AFG2B: variants seen among roughly 807,000 people sequenced by gnomAD.
AFG2B encodes AAA ATPase AFG2B.
the AFG2B span, among the ~76,000 whole-genome samples, chr15:45,420,379 T>A: frequency 6.6e-5 from 10 of 152,300 alleles, no homozygotes; most frequent in African/African-American, 2.4e-4. Flanking sequence ...ATAGGGTATG[T>A]GTTTGATCTA....
the AFG2B span, chr15:45,402,403 T>G: frequency 5.7e-6 from 9 of 1,566,972 alleles, no homozygotes; most frequent in Admixed American, 1.7e-4. Flanking sequence ...CTAATCTGGT[T>G]TCGTCTGCCT....
the AFG2B span, chr15:45,410,415 C>T: frequency 6.2e-7 from 1 of 1,613,802 alleles, no homozygotes; most frequent in Non-Finnish European, 8.5e-7. Flanking sequence ...TTCCTTGAAG[C>T]TTTTAAAAAT....
chr15:45,402,537 C>A, the AFG2B span: 1 of 1,597,044 alleles, frequency 6.3e-7, no homozygotes, highest in African/African-American at 1.3e-5. Context: ...CGGCCGCCCT[C>A]CACGCCCTGG....
chr15:45,410,449 C>T, the AFG2B span: 59 of 1,613,592 alleles, frequency 3.7e-5, 1 homozygote, highest in Middle Eastern at 6.6e-4. Flanking sequence ...CGTTTCGAAG[C>T]GTCATTGGAT....
chr15:45,407,908 T>C, the AFG2B span, among the ~76,000 whole-genome samples: 2 of 152,170 alleles, frequency 1.3e-5, no homozygotes, highest in African/African-American at 2.4e-5. Context: ...GTCTCCAAAA[T>C]ATAACCTGAG....
At chr15:45,410,525 A>G in the AFG2B span, 1 of 1,606,274 alleles carries the variant, frequency 6.2e-7, no homozygotes. Flanking sequence ...ACTGAAGTTA[A>G]AACAGGTAAG....
At chr15:45,407,551 T>C in the AFG2B span, among the ~76,000 whole-genome samples, 1 of 152,328 alleles carries the variant, frequency 6.6e-6, no homozygotes, top group South Asian at 2.1e-4. Context: ...AAAGGCTTTT[T>C]TTTAAGTATA....
chr15:45,418,642 G>T, the AFG2B span: 5 of 1,612,530 alleles, frequency 3.1e-6, no homozygotes, highest in South Asian at 3.3e-5. Flanking sequence ...GCAGAAACCT[G>T]TTTTTTTTCT....
At chr15:45,415,091 T>C in the AFG2B span, among the ~76,000 whole-genome samples, 4 of 152,184 alleles carry the variant, frequency 2.6e-5, no homozygotes, top group East Asian at 1.9e-4. Context: ...ATTTATAGTA[T>C]TCTTTGAAAA....
At chr15:45,417,651 T>C in the AFG2B span, 8 of 359,330 alleles carry the variant, frequency 2.2e-5, no homozygotes, top group Non-Finnish European at 4.1e-5. Context: ...CTCAGCGTTA[T>C]TTTGCAACTA....
the AFG2B span, among the ~76,000 whole-genome samples, chr15:45,413,352 G>A: frequency 2.6e-5 from 4 of 152,206 alleles, no homozygotes; most frequent in East Asian, 7.7e-4. Flanking sequence ...CTACTTCACT[G>A]CCTGCCTACT....
chr15:45,410,081 GCTGATAT>G, the AFG2B span, among the ~76,000 whole-genome samples: 9 of 152,170 alleles, frequency 5.9e-5, no homozygotes, highest in Admixed American at 4.6e-4. Context: ...AAAAGTACAG[GCTGATAT>G]AGTATGGTTC....
chr15:45,402,570 G>A, the AFG2B span: 1 of 1,579,414 alleles, frequency 6.3e-7, no homozygotes, highest in South Asian at 1.1e-5. Flanking sequence ...GCTCGGCAGT[G>A]AAGATCTCGC....
chr15:45,409,401 A>G, the AFG2B span, among the ~76,000 whole-genome samples: 2 of 151,598 alleles, frequency 1.3e-5, no homozygotes, highest in Non-Finnish European at 2.9e-5. Flanking sequence ...AGAGTTTGAT[A>G]ATGTCTGTAC....
chr15:45,407,047 G>T, the AFG2B span: 1 of 1,289,208 alleles, frequency 7.8e-7, no homozygotes, highest in Admixed American at 2.3e-5. Context: ...TTGACCATAA[G>T]CACCTCTCAC....
the AFG2B span, among the ~76,000 whole-genome samples, chr15:45,418,160 A>G: frequency 6.6e-6 from 1 of 152,006 alleles, no homozygotes; most frequent in Non-Finnish European, 1.5e-5. Flanking sequence ...CCTGGCCAAC[A>G]TGGTGAAACC....
the AFG2B span, chr15:45,407,253 C>T: frequency 8.5e-7 from 1 of 1,179,908 alleles, no homozygotes; most frequent in Non-Finnish European, 1.1e-6. Context: ...TTCTTTCCCC[C>T]ACCAGCTGAG....
At chr15:45,408,235 A>G in the AFG2B span, among the ~76,000 whole-genome samples, 2 of 152,318 alleles carry the variant, frequency 1.3e-5, no homozygotes, top group African/African-American at 4.8e-5. Context: ...ATTAAAACTT[A>G]TAGGAAAGTT....
the AFG2B span, chr15:45,410,633 C>T: frequency 9.4e-7 from 1 of 1,063,070 alleles, no homozygotes; most frequent in Admixed American, 3.0e-5. Context: ...GCTCCTATCA[C>T]TAATGTGATC....
Sources: gnomAD v4.1 joint callset for allele counts (sites outside exome capture counted in the v4.1 genomes callset) on GRCh38, gnomAD v4.1.1 for gene constraint, MANE v1.5 for transcripts, NCBI Gene and HGNC (gene_info 2026-07-23, HGNC 2026-07-21) for gene names.